SNX8: variants seen among roughly 807,000 people sequenced by gnomAD.
SNX8 encodes the protein sorting nexin 8.
In SNX8, 25 loss-of-function variants were observed where a neutral mutation model predicts 51.6. The ratio of observed to expected loss-of-function variants is 0.48; its 90% CI spans 0.35 to 0.68. The LOEUF (loss-of-function observed/expected upper bound fraction) is 0.68. SNX8 is among the 30% of genes least tolerant of loss of function. SNX8 has a pLI of 0.00. For missense variants in SNX8, 695 were observed against 624.0 expected (o/e 1.11, Z -1.21); for synonymous variants, 324 against 277.0 (o/e 1.17, Z -1.68).
intron 1 of SNX8, among the ~76,000 whole-genome samples, chr7:2,340,145 C>T (rs1046433290): frequency 6.6e-6 from 1 of 152,032 alleles, no homozygotes; most frequent in Non-Finnish European, 1.5e-5. Flanking sequence ...TCACTGCAAC[C>T]TCTACCTCCC....
chr7:2,256,871 C>T lies in SNX8; in HGVS notation c.1284+3G>A, dbSNP rs748086995. 6.2e-6 allele frequency: 10 copies of T among 1,609,890 alleles called. No individual in the cohort carries two copies. The highest frequency in any genetic ancestry group is 4.0e-5 in the African/African-American group (3 of 74,866). On this transcript the variant is annotated splice_donor_region_variant and intron_variant, in intron 10 of 10. Coordinates refer to ENST00000222990, the MANE Select transcript of SNX8 (RefSeq NM_013321.4). ...GACGGCGGCCGGAGCAGGGCGGACT[C>T]ACCTCCTTGTGCCCTTGGATCTGAG... is the stretch of plus-strand genomic sequence containing the variant.
chr7:2,347,633 C>A (rs1330024970), intron 1 of SNX8, among the ~76,000 whole-genome samples: 1 of 82,756 alleles, frequency 1.2e-5, no homozygotes, highest in African/African-American at 4.2e-5. Context: ...TTTTTTTTTG[C>A]TCATTTTATT....
chr7:2,312,324 C>G (rs1359678810), intron 1 of SNX8, among the ~76,000 whole-genome samples: 1 of 152,150 alleles, frequency 6.6e-6, no homozygotes, highest in Non-Finnish European at 1.5e-5. Context: ...TCCCCTACAC[C>G]TGCAGAGGAC....
At chr7:2,275,899 G>C (rs1200463518) in intron 2 of SNX8, among the ~76,000 whole-genome samples, 4 of 151,884 alleles carry the variant, frequency 2.6e-5, no homozygotes, top group Non-Finnish European at 5.9e-5. Context: ...TCAGGAAGCT[G>C]AGGCAGGAGA....
At chr7:2,314,560 G>T, upstream of SNX8, 2 of 874,026 alleles carry the variant, frequency 2.3e-6, no homozygotes, top group Non-Finnish European at 2.8e-6. Context: ...GCCCCTGCGG[G>T]CCCGCCGCGC....
At chr7:2,314,295 G>A (rs1796717180) in intron 1 of SNX8, 33 bp downstream of exon 1, 11 of 1,218,742 alleles carry the variant, frequency 9.0e-6, no homozygotes, top group Non-Finnish European at 1.0e-5. Context: ...CGCGCCCTGG[G>A]CAGGTGGGGG....
intron 1 of SNX8, among the ~76,000 whole-genome samples, chr7:2,325,626 G>C (rs761497419): frequency 1.3e-5 from 2 of 151,876 alleles, no homozygotes; most frequent in Non-Finnish European, 2.9e-5. Flanking sequence ...TCAGGAATTT[G>C]AGACCAGCTT....
At chr7:2,290,851 C>A (rs1201688987) in intron 1 of SNX8, among the ~76,000 whole-genome samples, 1 of 152,226 alleles carries the variant, frequency 6.6e-6, no homozygotes, top group African/African-American at 2.4e-5. Flanking sequence ...TCTGCCAATT[C>A]TCAGCTACAA....
intron 1 of SNX8, among the ~76,000 whole-genome samples, chr7:2,323,623 C>T (rs1193567074): frequency 6.6e-6 from 1 of 152,096 alleles, no homozygotes; most frequent in Non-Finnish European, 1.5e-5. Flanking sequence ...TGATATGGCC[C>T]AGAAGTAAGA....
intron 7 of SNX8, among the ~76,000 whole-genome samples, chr7:2,262,154 C>T (rs1002227777): frequency 2.0e-5 from 3 of 152,206 alleles, no homozygotes; most frequent in Non-Finnish European, 4.4e-5. Flanking sequence ...CCTCCCACCT[C>T]AGCCTCGTGA....
At position 2,295,131 on chromosome 7, in the gene SNX8, G is replaced by A. The variant is rs181373243; in HGVS notation, c.95-16826C>T. ...AAAACAGAAAATGTAGGCCAAGCGC[G>A]GTGGCTCACACCTGTTATCCCAGCA... is the stretch of plus-strand genomic sequence containing the variant. On this transcript the variant is annotated intron_variant, in intron 1 of 10. Coordinates refer to ENST00000222990, the MANE Select transcript of SNX8 (RefSeq NM_013321.4). Among the ~76,000 whole-genome samples, 529 of 152,090 alleles carry A rather than the reference G, an allele frequency of 3.5e-3. 5 individuals are homozygous for A. The highest frequency in any genetic ancestry group is 0.012 in the African/African-American group (505 of 41,518).
intron 7 of SNX8, among the ~76,000 whole-genome samples, chr7:2,261,558 A>G (rs1411381791): frequency 1.3e-5 from 2 of 152,254 alleles, no homozygotes; most frequent in East Asian, 3.8e-4. Flanking sequence ...ACAGACACAC[A>G]ATGCATAGGG....
chr7:2,320,325 A>G (rs1215710592), intron 1 of SNX8, among the ~76,000 whole-genome samples: 1 of 152,134 alleles, frequency 6.6e-6, no homozygotes, highest in Non-Finnish European at 1.5e-5. Context: ...AGTTCCTCAG[A>G]TAATTCAAAT....
At chr7:2,278,039 T>A in intron 2 of SNX8, 61 bp downstream of exon 2, 1 of 1,570,322 alleles carries the variant, frequency 6.4e-7, no homozygotes, top group South Asian at 1.2e-5. Context: ...TGCCCTGAGA[T>A]GTTGAGACGT....
At chr7:2,342,425 G>T (rs989456757) in intron 1 of SNX8, among the ~76,000 whole-genome samples, 2 of 151,968 alleles carry the variant, frequency 1.3e-5, no homozygotes, top group African/African-American at 4.8e-5. Context: ...GGGCTGAGGA[G>T]GGCGGATCAC....
intron 1 of SNX8, among the ~76,000 whole-genome samples, chr7:2,325,728 G>A (rs1031969839): frequency 3.9e-5 from 6 of 152,094 alleles, no homozygotes; most frequent in Non-Finnish European, 8.8e-5. Flanking sequence ...AGCTACTCAG[G>A]AGCTGAGGCA....
chr7:2,324,290 TTTC>T (rs1291349736), intron 1 of SNX8, among the ~76,000 whole-genome samples: 5 of 138,706 alleles, frequency 3.6e-5, no homozygotes, highest in East Asian at 2.0e-4. Flanking sequence ...ATTTTCTTTC[TTTC>T]TTTTTTTTTT....
intron 1 of SNX8, among the ~76,000 whole-genome samples, chr7:2,288,877 A>T (rs1324477470): frequency 1.3e-5 from 2 of 152,124 alleles, no homozygotes; most frequent in Non-Finnish European, 2.9e-5. Context: ...CTGGGACCAC[A>T]GGCACATGCC....
intron 1 of SNX8, among the ~76,000 whole-genome samples, chr7:2,336,278 G>C (rs1051124365): frequency 1.3e-5 from 2 of 151,994 alleles, no homozygotes; most frequent in Admixed American, 6.6e-5. Flanking sequence ...GCGCAGGCCT[G>C]TAATCCCAGC....
Sources: allele counts gnomAD v4.1 joint callset (sites outside exome capture counted in the v4.1 genomes callset), GRCh38; gene constraint gnomAD v4.1.1; transcripts MANE v1.5; gene names NCBI Gene and HGNC (gene_info 2026-07-23, HGNC 2026-07-21).